ZFYVE27: variants seen among roughly 807,000 people sequenced by gnomAD.
The protein encoded by ZFYVE27 is zinc finger FYVE-type containing 27.
A neutral mutation model predicts 52.8 loss-of-function variants in ZFYVE27; 36 were observed. The observed-to-expected ratio is 0.68, with a 90% CI of 0.52 to 0.90. ZFYVE27 has a LOEUF of 0.90. Among genes scored for constraint, ZFYVE27 ranks in the 40% least tolerant of loss-of-function variants. The probability of loss-of-function intolerance (pLI) is 0.00; values close to 1 mark genes in which losing one functional copy is unlikely to be tolerated. For missense variants in ZFYVE27, 450 were observed against 527.2 expected (o/e 0.85, Z 1.43); for synonymous variants, 223 against 215.6 (o/e 1.03, Z -0.30).
At position 97,744,813 on chromosome 10, in the gene ZFYVE27, C is replaced by T; in HGVS notation, c.353C>T (p.Pro118Leu). ...YLQEVCRARL[P>L]DSELMRRKYH... ...CAGGAGGTTTGCCGGGCACGGCTGC[C>T]TGATTCCGAGCTGATGCGGAGGAAG... The change falls in exon 4 of 13, where the codon CCT becomes CTT. Residue 118 changes from proline to leucine, a missense_variant. Pro to Leu is a moderately conservative substitution (Grantham distance 98). Transcript: ENST00000684270. 6.2e-7 allele frequency: 1 copy of T among 1,614,058 alleles called. No individual in the cohort carries two copies. The highest frequency in any genetic ancestry group is 8.5e-7 in the Non-Finnish European group (1 of 1,180,028).
chr10:97,741,605 G>C (rs2043656370), intron 2 of ZFYVE27, among the ~76,000 whole-genome samples: 1 of 152,052 alleles, frequency 6.6e-6, no homozygotes, highest in African/African-American at 2.4e-5. Flanking sequence ...CACACACCAT[G>C]GCCTATTGAG....
chr10:97,754,728 T>C (rs1451826763), intron 10 of ZFYVE27: 2 of 1,289,354 alleles, frequency 1.6e-6, no homozygotes, highest in Admixed American at 4.6e-5. Context: ...TTACCGTAGG[T>C]GTGACAGGAG....
Position 97,743,109 on chromosome 10 carries a change from G to A in ZFYVE27, c.213G>A (p.Leu71=), listed in dbSNP as rs528560177. The part of the protein sequence containing the change: ...VRYLLRWQMP[L]CSLLTCLGLN... The stretch of plus-strand genomic sequence containing the variant: ...TGTATTGTAGGTGGCAGATGCCTTT[G>A]TGTTCCTTGCTGACCTGCCTGGGCC... The change falls in exon 3 of 13, where the codon TTG becomes TTA. Residue 71 remains leucine (L), a synonymous_variant. Transcript: ENST00000684270. 4 of 1,614,236 alleles carry A rather than the reference G, an allele frequency of 2.5e-6. No homozygotes were observed. The highest frequency in any genetic ancestry group is 1.3e-5 in the African/African-American group (1 of 75,072).
rs555596354 is a variant in ZFYVE27, at chr10:97,740,783, T to C, written c.197+2109T>C. On this transcript the variant is annotated intron_variant, in intron 2 of 12. Transcript: ENST00000684270. ...TTGTTCTTTTCTTAGTAAAGAGGAT[T>C]TGACTTTGAAGAGGGACCTAATCTT... 3.3e-5 allele frequency among the ~76,000 whole-genome samples: 5 copies of C among 152,310 alleles called. No individual in the cohort carries two copies. In the South Asian group the frequency reaches 1.0e-3, roughly 32 times the overall value.
intron 2 of ZFYVE27, among the ~76,000 whole-genome samples, chr10:97,742,116 C>T (rs1333272127): frequency 1.4e-5 from 2 of 144,426 alleles, no homozygotes; most frequent in East Asian, 2.0e-4. Flanking sequence ...GGCAACAGAG[C>T]GAGACTCTGT....
At position 97,748,327 on chromosome 10, in the gene ZFYVE27, C is replaced by T. The variant is rs985386165; in HGVS notation, c.514C>T (p.Arg172Cys). ...GTGCTGCACATGTGAAGCCGCCTACCGCGTGCTGCACTGGGAGAACCCCGT... is the reference window on the plus strand; with the variant it reads ...GTGCTGCACATGTGAAGCCGCCTACTGCGTGCTGCACTGGGAGAACCCCGT... ...RLCCTCEAAY[R>C]VLHWENPVVS... The change falls in exon 5 of 13, where the codon CGC (arginine) becomes TGC (cysteine). Residue 172 changes from arginine (R) to cysteine (C), a missense_variant. Transcript: ENST00000684270. 9 of 1,614,026 alleles carry T rather than the reference C, an allele frequency of 5.6e-6. No homozygotes were observed. Among genetic ancestry groups the T allele is most frequent in the East Asian group, 2.2e-5 (1 of 44,878 alleles).
chr10:97,748,269 C>G lies in ZFYVE27; in HGVS notation c.456C>G (p.Phe152Leu). 6.2e-7 allele frequency: 1 copy of G among 1,613,980 alleles called. No individual in the cohort carries two copies. ...RPEAVAEVKS[F>L]LIQLEAFLSR... Reference sequence around the variant, plus strand: ...CTCACCAAAGCCCCTGTGTCTGTAGCTTGATCCAGCTGGAGGCCTTCCTGA... The same window carrying G: ...CTCACCAAAGCCCCTGTGTCTGTAGGTTGATCCAGCTGGAGGCCTTCCTGA... The change falls in exon 5 of 13, where the codon TTC (phenylalanine) becomes TTG (leucine). Residue 152 changes from phenylalanine to leucine, a missense_variant and splice_region_variant. By Grantham distance (22) the Phe-to-Leu change is conservative (BLOSUM62 0). Coordinates refer to ENST00000684270, the MANE Select transcript of ZFYVE27 (RefSeq NM_001385875.1).
chr10:97,756,639 C>T (rs2048402940), intron 10 of ZFYVE27, among the ~76,000 whole-genome samples: 1 of 152,220 alleles, frequency 6.6e-6, no homozygotes, highest in Non-Finnish European at 1.5e-5. Context: ...GCCATCTTGG[C>T]ATCTCTGGTG....
In ZFYVE27 at chr10:97,759,578, C is replaced by T. The variant is rs924243261; in HGVS notation, c.*278C>T. The T allele has an allele frequency of 5.8e-6, 3 of 516,660 alleles. No homozygotes were observed. The highest frequency in any genetic ancestry group is 3.1e-5 in the Admixed American group (1 of 32,064). 32.0% of individuals were successfully genotyped at this position (516,660 alleles called of 1,614,324 possible). A position where few individuals can be genotyped will look rare whatever the true frequency, so the allele number is the denominator to read the frequency against. On this transcript the variant is annotated 3_prime_UTR_variant, in exon 13 of 13. Transcript: ENST00000684270. ...CTCTGCCTGGGACTGAGCGAGTGGA[C>T]TTAGGGCTGGGCAGGCAGTAGCCAC...
Position 97,757,630 on chromosome 10 carries a change from T to A in ZFYVE27, c.1090-12T>A, listed in dbSNP as rs753158402. The stretch of plus-strand genomic sequence containing the variant: ...GGTGAGGGACACATCTGACCTTGGC[T>A]CTTGTCTGCAGCGGAGCTGCAGTAA... On this transcript the variant is annotated splice_polypyrimidine_tract_variant and intron_variant, in intron 11 of 12. Transcript: ENST00000684270. 7.4e-6 allele frequency: 12 copies of A among 1,613,918 alleles called. No individual in the cohort carries two copies. In the Admixed American group the frequency reaches 1.8e-4, roughly 25 times the overall value.
In ZFYVE27 at chr10:97,755,292, G is replaced by C. The variant is rs181861227; in HGVS notation, c.1043-1973G>C. 1.2e-3 allele frequency among the ~76,000 whole-genome samples: 176 copies of C among 152,344 alleles called. 1 individual carries two copies. The highest frequency in any genetic ancestry group is 4.0e-3 in the African/African-American group (168 of 41,580). On this transcript the variant is annotated intron_variant, in intron 10 of 12. Transcript: ENST00000684270. The stretch of plus-strand genomic sequence containing the variant: ...CCTGCGGCCTCTGCTCCTGAACCTG[G>C]GTCCTGAGAGCAGGGCGAGGGGAGC...
At chr10:97,750,226 A>T in intron 6 of ZFYVE27, 105 bp from the exon 7 acceptor site, 1 of 1,415,266 alleles carries the variant, frequency 7.1e-7, no homozygotes, top group Non-Finnish European at 9.9e-7. Flanking sequence ...TCTTTCCTGT[A>T]GTGAAGGGAA....
chr10:97,746,960 G>A (rs1157931971), intron 4 of ZFYVE27, among the ~76,000 whole-genome samples: 2 of 152,062 alleles, frequency 1.3e-5, no homozygotes, highest in African/African-American at 4.8e-5. Context: ...CAAAGTGCTG[G>A]GACTACAGGT....
intron 3 of ZFYVE27, among the ~76,000 whole-genome samples, chr10:97,744,277 C>G (rs1024515610): frequency 2.0e-5 from 3 of 152,200 alleles, no homozygotes; most frequent in Admixed American, 6.5e-5. Context: ...TTTCTCAAGG[C>G]ACAATCGTCT....
At chr10:97,745,004 T>C in intron 4 of ZFYVE27, 89 bp downstream of exon 4, 1 of 1,419,602 alleles carries the variant, frequency 7.0e-7, no homozygotes, top group Non-Finnish European at 9.6e-7. Flanking sequence ...GACATCATAT[T>C]AGGCAAACCA....
rs1298539247 is a variant in ZFYVE27, at chr10:97,757,271, G to A, written c.1049G>A (p.Cys350Tyr). 1.3e-5 allele frequency: 21 copies of A among 1,614,050 alleles called. No homozygotes were observed. Among genetic ancestry groups the A allele is most frequent in the Non-Finnish European group, 1.8e-5 (21 of 1,180,038 alleles). ...KRYPTNNFGN[C>Y]TGCSATFSVL... Reference sequence around the variant, plus strand: ...TGCTGCCTCTGTTTCTCAGGGAACTGCACGGGCTGCTCGGCCACCTTCTCA... The same window carrying A: ...TGCTGCCTCTGTTTCTCAGGGAACTACACGGGCTGCTCGGCCACCTTCTCA... Residue 350 changes from cysteine to tyrosine, a missense_variant, in exon 11 of 13, where the codon TGC becomes TAC. By Grantham distance (194) the Cys-to-Tyr change is radical. Transcript: ENST00000684270.
chr10:97,753,169 C>T lies in ZFYVE27; in HGVS notation c.1029C>T (p.Pro343=), dbSNP rs1182503186. ...CGGAGCGGCTCCGCAAGCGCTACCC[C>T]ACCAACAACTTCGGTGCGGCCAGGG... ...RLTERLRKRY[P]TNNFGNCTGC... The change falls in exon 10 of 13, where the codon CCC becomes CCT. Residue 343 remains proline, a synonymous_variant. Coordinates refer to ENST00000684270, the MANE Select transcript of ZFYVE27 (RefSeq NM_001385875.1). 6.2e-7 allele frequency: 1 copy of T among 1,611,280 alleles called. No individual in the cohort carries two copies. Among genetic ancestry groups the T allele is most frequent in the South Asian group, 1.1e-5 (1 of 90,504 alleles).
At chr10:97,750,090 C>T (rs980515127) in intron 6 of ZFYVE27, 16 of 545,338 alleles carry the variant, frequency 2.9e-5, no homozygotes, top group Non-Finnish European at 4.0e-5. Flanking sequence ...TTATTTATTA[C>T]AGAAGCCATG....
Position 97,750,334 on chromosome 10 carries a change from T to G in ZFYVE27, c.668T>G (p.Val223Gly). Residue 223 changes from valine to glycine, a missense_variant, in exon 7 of 13, where the codon GTG (valine) becomes GGG (glycine). By Grantham distance (109) the Val-to-Gly change is moderately radical. Coordinates refer to ENST00000684270, the MANE Select transcript of ZFYVE27 (RefSeq NM_001385875.1). ...TTGTTCTCCATTCCCTGGGTAGTTG[T>G]GTCTGAGTACAGGGCATCTCTGCAG... ...FLGNVEFFRVVSEYRASLQQR... is the reference protein window; with the variant it reads ...FLGNVEFFRVGSEYRASLQQR... The G allele has an allele frequency of 6.2e-7, 1 of 1,614,096 alleles. No individual in the cohort carries two copies. Among genetic ancestry groups the G allele is most frequent in the Non-Finnish European group, 8.5e-7 (1 of 1,180,040 alleles).
Sources: allele counts gnomAD v4.1 joint callset (sites outside exome capture counted in the v4.1 genomes callset), GRCh38; gene constraint gnomAD v4.1.1; transcripts MANE v1.5; gene names NCBI Gene and HGNC (gene_info 2026-07-23, HGNC 2026-07-21).